MYOF: variants seen among roughly 807,000 people sequenced by gnomAD.
MYOF encodes myoferlin.
In MYOF, 244 loss-of-function variants were observed where a neutral mutation model predicts 284.2. That is an observed-to-expected ratio of 0.86 (90% CI 0.77 to 0.95). MYOF has a LOEUF of 0.95. Among genes scored for constraint, MYOF ranks in the 40% least tolerant of loss-of-function variants. MYOF has a pLI of 0.00. For synonymous variants in MYOF, 904 were observed against 919.7 expected, an observed-to-expected ratio of 0.98 and a Z score of 0.31; for missense variants, 2,496 against 2,560.6, an observed-to-expected ratio of 0.97 and a Z score of 0.54.
At chr10:93,353,967 T>C in intron 31 of MYOF, 79 bp from the exon 32 acceptor site, 1 of 1,150,374 alleles carries the variant, frequency 8.7e-7, no homozygotes, top group South Asian at 1.4e-5. Flanking sequence ...TTGGAAAAAA[T>C]ACATGTTTCT....
intron 40 of MYOF, 49 bp downstream of exon 40, chr10:93,337,766 G>T (rs1443680210): frequency 2.0e-6 from 3 of 1,521,582 alleles, no homozygotes; most frequent in Admixed American, 1.7e-5. Context: ...CCTGTGGCCA[G>T]TTTCAAAGGA....
At chr10:93,419,201 C>T (rs1447923679) in intron 5 of MYOF, among the ~76,000 whole-genome samples, 2 of 151,604 alleles carry the variant, frequency 1.3e-5, no homozygotes, top group South Asian at 2.1e-4. Flanking sequence ...ATTGTTCTAT[C>T]GCCCAGGCTA....
At chr10:93,350,446 G>A (rs2012355) in intron 35 of MYOF, among the ~76,000 whole-genome samples, 46,124 of 151,896 alleles carry the variant, frequency 0.3, 8,152 homozygotes, top group East Asian at 0.88. Context: ...CCAAGTAGCT[G>A]GGATTACAGG....
intron 5 of MYOF, among the ~76,000 whole-genome samples, chr10:93,410,511 G>T (rs1285784695): frequency 6.6e-6 from 1 of 152,004 alleles, no homozygotes; most frequent in Non-Finnish European, 1.5e-5. Flanking sequence ...GTACCTCTGG[G>T]GGTTCCGTCT....
At chr10:93,431,014 T>TTTTTCTTTTC (rs1393333482) in intron 4 of MYOF, among the ~76,000 whole-genome samples, 4 of 136,164 alleles carry the variant, frequency 2.9e-5, no homozygotes, top group Non-Finnish European at 6.5e-5. Flanking sequence ...AATTTAGACA[T>TTTTTCTTTTC]TTTTCTTTTC....
chr10:93,387,921 G>C lies in MYOF; in HGVS notation c.1582-8C>G, dbSNP rs368914569. On this transcript the variant is annotated splice_region_variant and splice_polypyrimidine_tract_variant and intron_variant, in intron 18 of 53. Coordinates refer to ENST00000359263, the MANE Select transcript of MYOF (RefSeq NM_013451.4). ...GTAGGCAACTCCTTCCCCCTGAAAGGCAATAATCCAGGATTATTCCTCTAG... is the reference window on the plus strand; with the variant it reads ...GTAGGCAACTCCTTCCCCCTGAAAGCCAATAATCCAGGATTATTCCTCTAG... 6 of 1,605,018 alleles carry C rather than the reference G, an allele frequency of 3.7e-6. No individual in the cohort carries two copies. In the African/African-American group the frequency reaches 8.0e-5, roughly 21 times the overall value.
chr10:93,475,613 C>T (rs1564746464), intron 1 of MYOF, among the ~76,000 whole-genome samples: 1 of 152,168 alleles, frequency 6.6e-6, no homozygotes, highest in East Asian at 1.9e-4. Context: ...AATTTCCTGC[C>T]AGTTCTTTGC....
intron 15 of MYOF, 118 bp downstream of exon 15, chr10:93,397,129 T>C (rs1439821954): frequency 2.4e-6 from 2 of 820,144 alleles, no homozygotes; most frequent in Non-Finnish European, 3.6e-6. Flanking sequence ...CCAGGAGCAA[T>C]TTATCCTCTC....
At chr10:93,460,853 T>A (rs1204339901) in intron 1 of MYOF, among the ~76,000 whole-genome samples, 2 of 150,710 alleles carry the variant, frequency 1.3e-5, no homozygotes, top group Non-Finnish European at 3.0e-5. Context: ...CCCAGCACTG[T>A]GGGAGGCTGA....
At chr10:93,356,586 G>T in intron 30 of MYOF, 89 bp downstream of exon 30, 1 of 1,369,064 alleles carries the variant, frequency 7.3e-7, no homozygotes, top group Non-Finnish European at 1.0e-6. Context: ...GGGTTACAGG[G>T]ACCTCTATGG....
intron 51 of MYOF, among the ~76,000 whole-genome samples, chr10:93,310,998 T>C (rs1681405386): frequency 6.6e-6 from 1 of 152,178 alleles, no homozygotes; most frequent in Admixed American, 6.5e-5. Flanking sequence ...TATCTAACAT[T>C]TATTGAGCAT....
At chr10:93,383,186 C>T (rs546816014) in intron 19 of MYOF, among the ~76,000 whole-genome samples, 10 of 152,242 alleles carry the variant, frequency 6.6e-5, no homozygotes, top group South Asian at 2.1e-4. Context: ...CATGAGCCAC[C>T]GTGCCTGGCT....
chr10:93,307,441 C>A (rs887891977), intron 53 of MYOF, among the ~76,000 whole-genome samples: 1 of 151,938 alleles, frequency 6.6e-6, no homozygotes. Flanking sequence ...GCTGGGACTA[C>A]AGGCGCCTGC....
At chr10:93,321,234 C>G (rs1842827194) in intron 48 of MYOF, among the ~76,000 whole-genome samples, 1 of 152,050 alleles carries the variant, frequency 6.6e-6, no homozygotes, top group South Asian at 2.1e-4. Context: ...AGTCTGATTG[C>G]GAAGTCCACA....
chr10:93,383,935 A>G (rs1476096186), intron 19 of MYOF, among the ~76,000 whole-genome samples: 3 of 151,922 alleles, frequency 2.0e-5, no homozygotes, highest in Non-Finnish European at 4.4e-5. Context: ...TTCCATTAGA[A>G]CCCCATGGAT....
In MYOF at chr10:93,316,756, G is replaced by T. The variant is rs926241053; in HGVS notation, c.5656C>A (p.Gln1886Lys). The part of the protein sequence containing the change: ...EFRIPPRLII[Q>K]IWDNDKFSLD... ...GAAAACTTGTCATTGTCCCATATCT[G>T]AATGATCAGCCTGGGTGGGATTCGA... is the stretch of plus-strand genomic sequence containing the variant. The change falls in exon 50 of 54, where the codon CAG (glutamine) becomes AAG (lysine). Residue 1886 changes from glutamine to lysine, a missense_variant. By Grantham distance (53) the Gln-to-Lys change is moderately conservative. Transcript: ENST00000359263. The T allele has an allele frequency of 1.9e-6, 3 of 1,613,908 alleles. No individual in the cohort carries two copies. Among genetic ancestry groups the T allele is most frequent in the African/African-American group, 2.7e-5 (2 of 74,886 alleles).
chr10:93,461,679 C>A (rs1349292892), intron 1 of MYOF, among the ~76,000 whole-genome samples: 1 of 152,098 alleles, frequency 6.6e-6, no homozygotes, highest in Non-Finnish European at 1.5e-5. Flanking sequence ...CAGGACCCAA[C>A]CAGCTGGAAC....
intron 1 of MYOF, among the ~76,000 whole-genome samples, chr10:93,481,735 T>C (rs2057384545): frequency 6.6e-6 from 1 of 152,202 alleles, no homozygotes; most frequent in South Asian, 2.1e-4. Context: ...TAATTGCTCT[T>C]CTTCCTCCTT....
At position 93,469,179 on chromosome 10, in the gene MYOF, C is replaced by T. The variant is rs541164930; in HGVS notation, c.89-12242G>A. 1.4e-3 allele frequency among the ~76,000 whole-genome samples: 212 copies of T among 152,184 alleles called. 1 individual carries two copies. The highest frequency in any genetic ancestry group is 4.7e-3 in the African/African-American group (195 of 41,526). ...TTTTGGGAGGCCGAGGTGGGTGGAT[C>T]GCTTGAGGTCAGGAGTTCGAGGCCA... is the stretch of plus-strand genomic sequence containing the variant. On this transcript the variant is annotated intron_variant, in intron 1 of 53. Transcript: ENST00000359263.
Sources: gnomAD v4.1 joint callset for allele counts (sites outside exome capture counted in the v4.1 genomes callset) on GRCh38, gnomAD v4.1.1 for gene constraint, MANE v1.5 for transcripts, NCBI Gene and HGNC (gene_info 2026-07-23, HGNC 2026-07-21) for gene names.